The following POC5 variants were observed in gnomAD, a reference collection of about 807,000 sequenced individuals.
POC5 encodes the protein centrosomal protein POC5.
In POC5, 48 loss-of-function variants were observed where a neutral mutation model predicts 62.9. The observed-to-expected ratio is 0.76, with a 90% confidence interval of 0.61 to 0.97. The LOEUF (loss-of-function observed/expected upper bound fraction) is 0.97, where lower values mean the gene tolerates loss of function less well. Ranked by LOEUF, POC5 falls within the 50% of genes least tolerant of loss-of-function variation. The pLI is 0.00. For synonymous variants in POC5, 236 were observed against 228.2 expected, an observed-to-expected ratio of 1.03 and a Z score of -0.31; for missense variants, 696 against 679.5, an observed-to-expected ratio of 1.02 and a Z score of -0.27.
intron 5 of POC5, among the ~76,000 whole-genome samples, chr5:75,699,251 C>A (rs1430477313): frequency 1.8e-4 from 28 of 151,974 alleles, no homozygotes; most frequent in Non-Finnish European, 1.5e-5. Flanking sequence ...CAAAGCCGGG[C>A]AGAGACACAA....
Position 75,692,406 on chromosome 5 carries a change from GCT to G in POC5, c.783_784del (p.Arg261SerfsTer7), listed in dbSNP as rs1776375891. The G allele has an allele frequency of 6.3e-7, 1 of 1,587,688 alleles. No individual in the cohort carries two copies. Among genetic ancestry groups the G allele is most frequent in the Admixed American group, 1.8e-5 (1 of 56,992 alleles). On this transcript the variant is annotated frameshift_variant, in exon 7 of 12. Transcript: ENST00000428202. LOFTEE classifies it high-confidence loss of function. ...TGCTTTGACACTTACATCCTGTCTG[GCT>G]CTGACATGGCCGATTCGCCAGTGGA... is the stretch of plus-strand genomic sequence containing the variant.
At chr5:75,701,605 G>A (rs990388293) in intron 5 of POC5, among the ~76,000 whole-genome samples, 8 of 147,478 alleles carry the variant, frequency 5.4e-5, no homozygotes, top group African/African-American at 2.0e-4. Flanking sequence ...AGCATTGGGA[G>A]ATATACCTAA....
chr5:75,688,258 A>G (rs1266035075), intron 9 of POC5, among the ~76,000 whole-genome samples: 1 of 152,212 alleles, frequency 6.6e-6, no homozygotes, highest in Non-Finnish European at 1.5e-5. Context: ...CTTACACGTT[A>G]AAGTGCATTT....
At chr5:75,709,658 T>A (rs1406218035) in intron 2 of POC5, 1 of 152,136 alleles carries the variant, frequency 6.6e-6, no homozygotes, top group Admixed American at 6.5e-5. Flanking sequence ...GATTTAAATA[T>A]CCTTAGGTTA....
At chr5:75,693,647 T>C (rs750165315) in intron 6 of POC5, among the ~76,000 whole-genome samples, 1 of 152,198 alleles carries the variant, frequency 6.6e-6, no homozygotes, top group Non-Finnish European at 1.5e-5. Context: ...TATAAAATGT[T>C]CAATTTTATA....
chr5:75,696,672 C>T (rs563308582), intron 5 of POC5, among the ~76,000 whole-genome samples: 12 of 152,322 alleles, frequency 7.9e-5, no homozygotes, highest in South Asian at 4.1e-4. Flanking sequence ...TCCAAAGGAT[C>T]GCAGTTCCTC....
In POC5 at chr5:75,702,630, A is replaced by G; in HGVS notation, c.488T>C (p.Leu163Pro). ...CTTAAGACCTGAACTCCAAAGATCA[A>G]GCACATTTTCCATCTTCTGAAGGTT... ...DENLQKMENV[L>P]DLWSSGLKTN... The change falls in exon 5 of 12, where the codon CTT (leucine) becomes CCT (proline). Residue 163 changes from leucine to proline, a missense_variant. Leu to Pro is a moderately conservative substitution (Grantham distance 98). Transcript: ENST00000428202. The G allele has an allele frequency of 6.2e-7, 1 of 1,613,446 alleles. No homozygotes were observed. Among genetic ancestry groups the G allele is most frequent in the Non-Finnish European group, 8.5e-7 (1 of 1,179,680 alleles).
At chr5:75,714,060 G>T (rs1194788775) in intron 1 of POC5, among the ~76,000 whole-genome samples, 1 of 152,174 alleles carries the variant, frequency 6.6e-6, no homozygotes, top group Non-Finnish European at 1.5e-5. Flanking sequence ...GATCATTCCA[G>T]CAGCGTTGAG....
chr5:75,706,876 C>A (rs1207560854), intron 3 of POC5, among the ~76,000 whole-genome samples: 4 of 152,130 alleles, frequency 2.6e-5, no homozygotes, highest in Non-Finnish European at 4.4e-5. Context: ...ATCCTGTGGT[C>A]CTGTTTGTTG....
intron 5 of POC5, among the ~76,000 whole-genome samples, chr5:75,698,676 A>C (rs1776719537): frequency 6.6e-6 from 1 of 152,114 alleles, no homozygotes; most frequent in African/African-American, 2.4e-5. Context: ...GCAAGAGCAA[A>C]CACATTCAAA....
chr5:75,693,210 TG>T (rs1026353984), intron 6 of POC5, among the ~76,000 whole-genome samples: 4 of 150,046 alleles, frequency 2.7e-5, no homozygotes, highest in African/African-American at 9.7e-5. Flanking sequence ...TATATGTTGA[TG>T]TACTTCTTCA....
chr5:75,697,761 A>G (rs1776675946), intron 5 of POC5, among the ~76,000 whole-genome samples: 1 of 152,010 alleles, frequency 6.6e-6, no homozygotes, highest in Admixed American at 6.6e-5. Context: ...CAATTAAAAG[A>G]CACAGACTGG....
intron 11 of POC5, among the ~76,000 whole-genome samples, chr5:75,676,583 T>C (rs1484633197): frequency 6.6e-6 from 1 of 152,226 alleles, no homozygotes; most frequent in Non-Finnish European, 1.5e-5. Context: ...CATATACTTT[T>C]TTTTTGCTAA....
intron 4 of POC5, among the ~76,000 whole-genome samples, chr5:75,703,770 T>C (rs916191960): frequency 6.6e-6 from 1 of 152,174 alleles, no homozygotes; most frequent in Non-Finnish European, 1.5e-5. Context: ...TCTATATGTA[T>C]GTGCATATAT....
chr5:75,705,541 T>G (rs1258855926), intron 4 of POC5, 163 bp downstream of exon 4: 4 of 522,058 alleles, frequency 7.7e-6, no homozygotes, highest in Non-Finnish European at 1.3e-5. Flanking sequence ...TTTGGTATCT[T>G]ATCAAATTAT....
At chr5:75,685,771 A>T (rs562131600) in intron 9 of POC5, among the ~76,000 whole-genome samples, 2 of 152,316 alleles carry the variant, frequency 1.3e-5, no homozygotes, top group Non-Finnish European at 2.9e-5. Flanking sequence ...CTGGGACCTT[A>T]GCTAAGTAGA....
intron 8 of POC5, 113 bp from the exon 9 acceptor site, chr5:75,689,278 T>A: frequency 4.3e-6 from 6 of 1,385,702 alleles, no homozygotes; most frequent in Non-Finnish European, 5.6e-6. Context: ...AAAAAGTTTG[T>A]CACTTACCTC....
At chr5:75,679,499 C>CA (rs1362714636) in intron 10 of POC5, among the ~76,000 whole-genome samples, 4 of 152,044 alleles carry the variant, frequency 2.6e-5, no homozygotes, top group African/African-American at 9.7e-5. Flanking sequence ...ATTAAAATGA[C>CA]AGAGTATTGA....
chr5:75,698,145 A>G (rs1373633137), intron 5 of POC5, among the ~76,000 whole-genome samples: 1 of 139,658 alleles, frequency 7.2e-6, no homozygotes, highest in Admixed American at 7.2e-5. Flanking sequence ...CACTGTCAAC[A>G]TTAGACAGAT....
Sources: allele counts gnomAD v4.1 joint callset (sites outside exome capture counted in the v4.1 genomes callset), GRCh38; gene constraint gnomAD v4.1.1; transcripts MANE v1.5; gene names NCBI Gene and HGNC (gene_info 2026-07-23, HGNC 2026-07-21).